The following PTPRM variants were observed in gnomAD, a reference collection of about 807,000 sequenced individuals.
The protein encoded by PTPRM is protein tyrosine phosphatase receptor type M.
A neutral mutation model predicts 186.7 loss-of-function variants in PTPRM; 47 were observed. The observed-to-expected ratio is 0.25, with a 90% CI of 0.20 to 0.32. The LOEUF is 0.32. Among genes scored for constraint, PTPRM ranks in the 10% least tolerant of loss-of-function variants. The probability of loss-of-function intolerance (pLI) is 1.00; values close to 1 mark genes in which losing one functional copy is unlikely to be tolerated. For synonymous variants in PTPRM, 668 were observed against 674.9 expected, an observed-to-expected ratio of 0.99 and a Z score of 0.16; for missense variants, 1,494 against 1,865.0, an observed-to-expected ratio of 0.80 and a Z score of 3.66.
intron 7 of PTPRM, among the ~76,000 whole-genome samples, chr18:8,015,287 A>G (rs955997865): frequency 3.9e-5 from 6 of 152,256 alleles, no homozygotes; most frequent in Admixed American, 2.6e-4. Flanking sequence ...TAACAGAAAC[A>G]GTTGATTGAC....
In PTPRM at chr18:8,332,055, G is replaced by A. The variant is rs114207052; in HGVS notation, c.2957-11368G>A. Among the ~76,000 whole-genome samples the A allele has an allele frequency of 8.1e-3, 1,227 of 152,284 alleles. 12 individuals carry two copies. Among genetic ancestry groups the A allele is most frequent in the African/African-American group, 0.028 (1,177 of 41,552 alleles). Reference sequence around the variant, plus strand: ...TTCCTGAGATAAGAATTACACAGGGGTGTTTTAGAGAGGAGCTTTAACATG... The same window carrying A: ...TTCCTGAGATAAGAATTACACAGGGATGTTTTAGAGAGGAGCTTTAACATG... On this transcript the variant is annotated intron_variant, in intron 22 of 32. Coordinates refer to ENST00000580170, the MANE Select transcript of PTPRM (RefSeq NM_001105244.2).
Position 8,376,165 on chromosome 18 carries a change from C to T in PTPRM, c.3291C>T (p.Ser1097=), listed in dbSNP as rs2095693573. 2 of 1,613,650 alleles carry T rather than the reference C, an allele frequency of 1.2e-6. No homozygotes were observed. Among genetic ancestry groups the T allele is most frequent in the South Asian group, 1.1e-5 (1 of 91,088 alleles). ...TCGTGCGGCAAGTCAAGTCCAAGAGCCCGCCCAGTGCAGGCCCACTGGTGG... is the reference window on the plus strand; with the variant it reads ...TCGTGCGGCAAGTCAAGTCCAAGAGTCCGCCCAGTGCAGGCCCACTGGTGG... ...LGFVRQVKSK[S]PPSAGPLVVH... is the part of the protein sequence containing the mutation. The change falls in exon 25 of 33, where the codon AGC becomes AGT. Residue 1097 remains serine (S), a synonymous_variant. Transcript: ENST00000580170.
At chr18:7,771,199 C>A (rs1281433537) in intron 1 of PTPRM, among the ~76,000 whole-genome samples, 2 of 152,196 alleles carry the variant, frequency 1.3e-5, no homozygotes, top group Non-Finnish European at 2.9e-5. Context: ...ATCACTATTT[C>A]TCACTGTTTT....
chr18:8,065,573 G>T (rs954904500), intron 7 of PTPRM, among the ~76,000 whole-genome samples: 1 of 152,130 alleles, frequency 6.6e-6, no homozygotes, highest in African/African-American at 2.4e-5. Context: ...TGCCAACGGG[G>T]CCTGTCATGA....
intron 1 of PTPRM, among the ~76,000 whole-genome samples, chr18:7,628,432 A>G (rs997685152): frequency 6.6e-6 from 1 of 152,232 alleles, no homozygotes; most frequent in South Asian, 2.1e-4. Flanking sequence ...TAAAACGATA[A>G]CTTTCTGAAA....
At chr18:8,253,819 A>G (rs545242972) in intron 19 of PTPRM, among the ~76,000 whole-genome samples, 1 of 152,364 alleles carries the variant, frequency 6.6e-6, no homozygotes, top group African/African-American at 2.4e-5. Flanking sequence ...CATGCGTTAC[A>G]TGGAAAAAGG....
intron 11 of PTPRM, among the ~76,000 whole-genome samples, chr18:8,093,552 T>A (rs1253762535): frequency 6.6e-6 from 1 of 152,220 alleles, no homozygotes; most frequent in Admixed American, 6.5e-5. Flanking sequence ...ATTTCTCTGA[T>A]GAATCTTAAG....
intron 2 of PTPRM, among the ~76,000 whole-genome samples, chr18:7,808,636 CTTA>C (rs1164245848): frequency 1.3e-5 from 2 of 152,144 alleles, no homozygotes; most frequent in African/African-American, 4.8e-5. Context: ...TGTGCTCAAT[CTTA>C]TTGTTTGACA....
intron 2 of PTPRM, among the ~76,000 whole-genome samples, chr18:7,881,906 C>T (rs1041052429): frequency 1.3e-5 from 2 of 152,102 alleles, no homozygotes; most frequent in Admixed American, 6.6e-5. Flanking sequence ...AACGTTCTTT[C>T]GTAGTCAAAG....
chr18:8,086,053 A>T (rs1284875654), intron 10 of PTPRM, among the ~76,000 whole-genome samples, 181 bp downstream of exon 10: 1 of 152,116 alleles, frequency 6.6e-6, no homozygotes, highest in South Asian at 2.1e-4. Context: ...CTCATTTGGG[A>T]GCTTAAGATC....
chr18:7,727,338 C>T (rs563710736), intron 1 of PTPRM, among the ~76,000 whole-genome samples: 1 of 152,110 alleles, frequency 6.6e-6, no homozygotes, highest in Non-Finnish European at 1.5e-5. Flanking sequence ...AGTTTATTTT[C>T]TCATCAAGCA....
At chr18:8,369,054 T>G (rs2095648935) in intron 23 of PTPRM, among the ~76,000 whole-genome samples, 1 of 152,062 alleles carries the variant, frequency 6.6e-6, no homozygotes, top group Admixed American at 6.5e-5. Flanking sequence ...GCAAAAAATC[T>G]TCAACTGGGA....
intron 5 of PTPRM, among the ~76,000 whole-genome samples, chr18:7,929,786 C>G (rs2051372178): frequency 6.6e-6 from 1 of 151,958 alleles, no homozygotes; most frequent in Non-Finnish European, 1.5e-5. Flanking sequence ...CCCTCACTCC[C>G]CCTTGAACAT....
At position 8,251,271 on chromosome 18, in the gene PTPRM, G is replaced by A. The variant is rs77248112; in HGVS notation, c.2555-1217G>A. 2.3e-3 allele frequency among the ~76,000 whole-genome samples: 345 copies of A among 152,312 alleles called. 5 individuals are homozygous for A. The East Asian group carries it at 0.028, about 12-fold the overall frequency. On this transcript the variant is annotated intron_variant, in intron 17 of 32. Coordinates refer to ENST00000580170, the MANE Select transcript of PTPRM (RefSeq NM_001105244.2). Reference sequence around the variant, plus strand: ...TTAGAAGGTCAGCCCACCATGGAGGGCATGTTAATTATGTTCATCCCATAA... The same window carrying A: ...TTAGAAGGTCAGCCCACCATGGAGGACATGTTAATTATGTTCATCCCATAA...
chr18:8,341,797 C>A (rs543529084), intron 22 of PTPRM, among the ~76,000 whole-genome samples: 12 of 152,122 alleles, frequency 7.9e-5, no homozygotes. Context: ...ATGAATGTAC[C>A]TCTCTGCAAG....
chr18:8,165,535 T>A (rs983375995), intron 14 of PTPRM, among the ~76,000 whole-genome samples: 1 of 152,146 alleles, frequency 6.6e-6, no homozygotes, highest in African/African-American at 2.4e-5. Context: ...AAAAAACACC[T>A]CCTGAATTGT....
intron 1 of PTPRM, among the ~76,000 whole-genome samples, chr18:7,724,708 C>T (rs746415227): frequency 7.9e-5 from 12 of 152,114 alleles, no homozygotes; most frequent in Non-Finnish European, 1.3e-4. Flanking sequence ...TGTAGCAGAG[C>T]GATTAGCAGA....
At chr18:7,649,239 C>T (rs1237462822) in intron 1 of PTPRM, among the ~76,000 whole-genome samples, 1 of 152,180 alleles carries the variant, frequency 6.6e-6, no homozygotes, top group East Asian at 1.9e-4. Context: ...CAAAATATTA[C>T]TGCTCATTGA....
chr18:7,712,478 C>G (rs1217715315), intron 1 of PTPRM, among the ~76,000 whole-genome samples: 1 of 152,064 alleles, frequency 6.6e-6, no homozygotes, highest in Non-Finnish European at 1.5e-5. Flanking sequence ...AGGATCACAA[C>G]TCCTTACTGG....
Sources: gnomAD v4.1 joint callset for allele counts (sites outside exome capture counted in the v4.1 genomes callset) on GRCh38, gnomAD v4.1.1 for gene constraint, MANE v1.5 for transcripts, NCBI Gene and HGNC (gene_info 2026-07-23, HGNC 2026-07-21) for gene names.